Variants in RBFOX1 observed in about 807,000 individuals in gnomAD.
RBFOX1 encodes the protein RNA binding fox-1 homolog 1, also known as RNA binding protein fox-1 homolog 1.
Under a neutral mutation model 57.7 loss-of-function variants are expected in RBFOX1, and 8 were observed. That is an observed-to-expected ratio of 0.14 (90% confidence interval 0.08 to 0.25). The LOEUF (loss-of-function observed/expected upper bound fraction) is 0.25, where lower values mean the gene tolerates loss of function less well. RBFOX1 is among the 10% of genes least tolerant of loss of function. The probability of loss-of-function intolerance (pLI) is 1.00; values close to 1 mark genes in which losing one functional copy is unlikely to be tolerated. For synonymous variants in RBFOX1, 326 were observed against 222.4 expected (o/e 1.47, Z -4.15); for missense variants, 611 against 548.5 (o/e 1.11, Z -1.14).
At chr16:7,375,958 C>G (rs564396441) in intron 4 of RBFOX1, among the ~76,000 whole-genome samples, 1 of 152,306 alleles carries the variant, frequency 6.6e-6, no homozygotes, top group South Asian at 2.1e-4. Flanking sequence ...GATTCAAGAA[C>G]TAGAGCCATT....
intron 4 of RBFOX1, among the ~76,000 whole-genome samples, chr16:5,888,488 A>G (rs1310591221): frequency 6.6e-6 from 1 of 152,176 alleles, no homozygotes; most frequent in African/African-American, 2.4e-5. Context: ...CATAGTTGCC[A>G]AACACTTAAA....
intron 4 of RBFOX1, among the ~76,000 whole-genome samples, chr16:5,888,785 G>A (rs4786065): frequency 0.17 from 21,059 of 125,562 alleles, 1,668 homozygotes; most frequent in Middle Eastern, 0.36. Context: ...CGACAAGAGC[G>A]AAACTCAGTC....
intron 4 of RBFOX1, among the ~76,000 whole-genome samples, chr16:7,247,532 C>T (rs1330881450): frequency 2.6e-5 from 4 of 152,140 alleles, no homozygotes; most frequent in African/African-American, 9.7e-5. Flanking sequence ...AGACCCTGTG[C>T]CTGCCACAAT....
At chr16:6,734,341 A>G (rs1413132145) in intron 3 of RBFOX1, among the ~76,000 whole-genome samples, 2 of 152,206 alleles carry the variant, frequency 1.3e-5, no homozygotes, top group Non-Finnish European at 2.9e-5. Flanking sequence ...CTCTGGGCTC[A>G]GTTTTGAATT....
chr16:7,019,910 T>G (rs957646911), intron 3 of RBFOX1, among the ~76,000 whole-genome samples: 1 of 152,120 alleles, frequency 6.6e-6, no homozygotes, highest in African/African-American at 2.4e-5. Flanking sequence ...CCTGCTCTCT[T>G]TTACCTCCCA....
In RBFOX1 at chr16:6,806,957, C is replaced by T. The variant is rs573814998; in HGVS notation, c.-16+152307C>T. Reference sequence around the variant, plus strand: ...CAAGTGATTCTCCTGCCTCAGCCTCCTAAGTAGCTGAGATTGCAGGCACGT... The same window carrying T: ...CAAGTGATTCTCCTGCCTCAGCCTCTTAAGTAGCTGAGATTGCAGGCACGT... On this transcript the variant is annotated intron_variant, in intron 3 of 15. Transcript: ENST00000550418. Among the ~76,000 whole-genome samples, 149 of 150,720 alleles carry T rather than the reference C, an allele frequency of 9.9e-4. 2 individuals carry two copies. The highest frequency in any genetic ancestry group is 3.4e-3 in the Middle Eastern group (1 of 292).
rs563999529 is a variant in RBFOX1, at chr16:6,871,476, G to A, written c.-15-180581G>A. 3.0e-4 allele frequency among the ~76,000 whole-genome samples: 46 copies of A among 152,122 alleles called. No individual in the cohort carries two copies. In the East Asian group the frequency reaches 6.0e-3, roughly 20 times the overall value. The stretch of plus-strand genomic sequence containing the variant: ...GCTGGGATTACAGGTGTGAGCCACC[G>A]TGCCCGGCCTCAAAATCACTCTTGA... On this transcript the variant is annotated intron_variant, in intron 3 of 15. Coordinates refer to ENST00000550418, the MANE Select transcript of RBFOX1 (RefSeq NM_018723.4).
At chr16:7,405,781 T>C (rs905378777) in intron 4 of RBFOX1, among the ~76,000 whole-genome samples, 1 of 152,146 alleles carries the variant, frequency 6.6e-6, no homozygotes, top group Non-Finnish European at 1.5e-5. Flanking sequence ...TTTTGCCTGG[T>C]AAGTAAAGGT....
chr16:6,542,093 T>G (rs562129315), intron 2 of RBFOX1, among the ~76,000 whole-genome samples: 85 of 152,068 alleles, frequency 5.6e-4, no homozygotes, highest in Non-Finnish European at 1.0e-3. Context: ...CACACAGAGA[T>G]AACTTTTTTT....
chr16:6,064,205 A>G (rs958875985), intron 1 of RBFOX1, among the ~76,000 whole-genome samples: 1 of 152,192 alleles, frequency 6.6e-6, no homozygotes, highest in Admixed American at 6.5e-5. Flanking sequence ...AGGGGTTGAA[A>G]GAGATGACCT....
At chr16:5,630,193 A>G (rs970374821) in intron 3 of RBFOX1, among the ~76,000 whole-genome samples, 3 of 152,232 alleles carry the variant, frequency 2.0e-5, no homozygotes, top group Non-Finnish European at 4.4e-5. Context: ...GTAGTGGCTC[A>G]TGCCTGTAAT....
At chr16:6,212,636 G>A (rs368403645) in intron 1 of RBFOX1, among the ~76,000 whole-genome samples, 50 of 152,262 alleles carry the variant, frequency 3.3e-4, no homozygotes, top group African/African-American at 1.2e-3. Context: ...GAACCCGGGA[G>A]GTGGAGCTTG....
intron 2 of RBFOX1, among the ~76,000 whole-genome samples, chr16:6,511,867 AG>A (rs1269677580): frequency 6.6e-6 from 1 of 152,142 alleles, no homozygotes; most frequent in African/African-American, 2.4e-5. Flanking sequence ...TTGATTCAGT[AG>A]GAAACCAGTG....
intron 2 of RBFOX1, among the ~76,000 whole-genome samples, chr16:6,402,488 G>T (rs987951516): frequency 2.0e-5 from 3 of 152,126 alleles, no homozygotes; most frequent in African/African-American, 7.2e-5. Flanking sequence ...ACATACTGAA[G>T]GGTGGTTGAA....
chr16:7,026,324 G>A (rs1461350861), intron 3 of RBFOX1, among the ~76,000 whole-genome samples: 1 of 152,170 alleles, frequency 6.6e-6, no homozygotes, highest in African/African-American at 2.4e-5. Flanking sequence ...TTAATTAACG[G>A]TTTAACTCGG....
At chr16:6,324,389 C>T (rs1415784319) in intron 2 of RBFOX1, among the ~76,000 whole-genome samples, 1 of 152,112 alleles carries the variant, frequency 6.6e-6, no homozygotes, top group African/African-American at 2.4e-5. Context: ...ATTTAATTGG[C>T]TCACAGAGCC....
intron 4 of RBFOX1, among the ~76,000 whole-genome samples, chr16:5,890,233 T>C (rs1379919344): frequency 6.6e-6 from 1 of 152,160 alleles, no homozygotes; most frequent in Non-Finnish European, 1.5e-5. Flanking sequence ...GATAATAATA[T>C]CTAATTATAA....
chr16:7,255,512 A>C (rs1040040911), intron 4 of RBFOX1, among the ~76,000 whole-genome samples: 2 of 152,214 alleles, frequency 1.3e-5, no homozygotes, highest in South Asian at 4.1e-4. Flanking sequence ...CAAGATGTCC[A>C]GCTTATATTT....
At chr16:5,792,650 C>G (rs993731608) in intron 3 of RBFOX1, among the ~76,000 whole-genome samples, 4 of 152,082 alleles carry the variant, frequency 2.6e-5, no homozygotes, top group African/African-American at 9.7e-5. Flanking sequence ...TGAGACCAGC[C>G]TGGCCAACGT....
Sources: allele counts gnomAD v4.1 joint callset (sites outside exome capture counted in the v4.1 genomes callset), GRCh38; gene constraint gnomAD v4.1.1; transcripts MANE v1.5; gene names NCBI Gene and HGNC (gene_info 2026-07-23, HGNC 2026-07-21).